Variants in XRRA1 observed in about 807,000 individuals in gnomAD.
XRRA1 encodes the protein X-ray radiation resistance associated 1, also known as X-ray radiation resistance-associated protein 1.
XRRA1 carries 69 observed loss-of-function variants against 80.2 expected under a neutral mutation model. The ratio of observed to expected loss-of-function variants is 0.86; its 90% CI spans 0.71 to 1.05. The LOEUF (loss-of-function observed/expected upper bound fraction) is 1.05. Ranked by LOEUF, XRRA1 falls within the 50% of genes least tolerant of loss-of-function variation. The pLI is 0.00. For synonymous variants in XRRA1, 348 were observed against 389.9 expected (o/e 0.89, Z 1.27); for missense variants, 967 against 976.4 (o/e 0.99, Z 0.13).
intron 8 of XRRA1, among the ~76,000 whole-genome samples, chr11:74,913,934 G>GA (rs1937620026): frequency 6.6e-6 from 1 of 152,026 alleles, no homozygotes; most frequent in Non-Finnish European, 1.5e-5. Flanking sequence ...CTACTTGTAG[G>GA]AAAAAAATCA....
chr11:74,881,825 G>A (rs1395226706), intron 10 of XRRA1, among the ~76,000 whole-genome samples: 2 of 149,338 alleles, frequency 1.3e-5, no homozygotes, highest in South Asian at 4.3e-4. Context: ...TAAGAATGTT[G>A]AATATTGGCC....
At position 74,940,979 on chromosome 11, in the gene XRRA1, C is replaced by T. The variant is rs529033977; in HGVS notation, c.-4-97G>A. The T allele has an allele frequency of 2.4e-5, 19 of 782,310 alleles. 1 individual carries two copies. The highest frequency in any genetic ancestry group is 2.4e-4 in the South Asian group (15 of 63,028). 48.5% of individuals were successfully genotyped at this position (782,310 alleles called of 1,614,324 possible). A position where few individuals can be genotyped will look rare whatever the true frequency, so the allele number is the denominator to read the frequency against. On this transcript the variant is annotated intron_variant, in intron 2 of 18. Transcript: ENST00000684022. ...CAGCTCATGAGCCCACCAGGACCAC[C>T]ACACCCGCACACACCCTGCCTCCGA...
chr11:74,843,827 A>C, intron 18 of XRRA1, 27 bp downstream of exon 18: 3 of 1,583,250 alleles, frequency 1.9e-6, no homozygotes, highest in South Asian at 2.3e-5. Flanking sequence ...TGGATCTGGG[A>C]TCCTGGCAGC....
chr11:74,884,270 A>G (rs991358542), intron 10 of XRRA1, among the ~76,000 whole-genome samples: 3 of 152,218 alleles, frequency 2.0e-5, no homozygotes, highest in Admixed American at 1.3e-4. Context: ...CAGCTGTGTC[A>G]ATAGAAAAGG....
At chr11:74,898,594 G>T (rs183729461) in intron 10 of XRRA1, among the ~76,000 whole-genome samples, 1 of 151,712 alleles carries the variant, frequency 6.6e-6, no homozygotes, top group South Asian at 2.1e-4. Context: ...AACCAAAAAG[G>T]GGAAGGAATA....
intron 2 of XRRA1, among the ~76,000 whole-genome samples, chr11:74,942,864 A>G (rs942914344): frequency 2.0e-5 from 3 of 152,228 alleles, no homozygotes; most frequent in Admixed American, 1.3e-4. Flanking sequence ...GCTTCACTAC[A>G]TCTAGACTGA....
rs2038846283 is a variant in XRRA1 at position 74,848,329 on chromosome 11, T to C, written c.1514A>G (p.Lys505Arg). Residue 505 changes from lysine (K) to arginine (R), a missense_variant, in exon 15 of 19, where the codon AAA becomes AGA. By Grantham distance (26) the Lys-to-Arg change is conservative. Coordinates refer to ENST00000684022, the MANE Select transcript of XRRA1 (RefSeq NM_001378157.1). ...AELAEDLPTT[K>R]STSVESEMPT... ...CATCTCTGACTCCACAGAAGTGCTT[T>C]TGGTAGTGGGCAGATCTTCAGCCAG... 1.9e-6 allele frequency: 3 copies of C among 1,613,754 alleles called. No individual in the cohort carries two copies. Among genetic ancestry groups the C allele is most frequent in the African/African-American group, 1.3e-5 (1 of 74,920 alleles).
chr11:74,844,349 T>C (rs759640782), intron 16 of XRRA1, 66 bp from the exon 17 acceptor site: 24 of 1,192,438 alleles, frequency 2.0e-5, no homozygotes, highest in Non-Finnish European at 2.3e-5. Context: ...CCTCCCCTGA[T>C]TGCTTCATTC....
At chr11:74,847,329 G>A (rs1480285054) in intron 15 of XRRA1, among the ~76,000 whole-genome samples, 1 of 152,172 alleles carries the variant, frequency 6.6e-6, no homozygotes, top group Non-Finnish European at 1.5e-5. Flanking sequence ...CAAGACTAGA[G>A]GCAGGGAGAT....
chr11:74,851,903 G>T, intron 13 of XRRA1, 86 bp downstream of exon 13: 2 of 1,134,656 alleles, frequency 1.8e-6, no homozygotes. Flanking sequence ...AGATCCCAGG[G>T]CTTGGCATTG....
intron 8 of XRRA1, among the ~76,000 whole-genome samples, chr11:74,915,484 T>C (rs1257016199): frequency 2.0e-5 from 3 of 152,102 alleles, no homozygotes; most frequent in Non-Finnish European, 4.4e-5. Context: ...CCATAGCAAA[T>C]CTGGTTATGA....
intron 8 of XRRA1, among the ~76,000 whole-genome samples, chr11:74,911,690 A>C (rs1443703242): frequency 1.3e-5 from 2 of 152,170 alleles, no homozygotes; most frequent in Non-Finnish European, 2.9e-5. Flanking sequence ...CTACAGGCAC[A>C]CACCACCATT....
intron 10 of XRRA1, among the ~76,000 whole-genome samples, chr11:74,892,371 G>A (rs544942699): frequency 6.6e-6 from 1 of 152,136 alleles, no homozygotes; most frequent in Non-Finnish European, 1.5e-5. Context: ...GCTGAAACTG[G>A]ATCCCGTCCT....
At chr11:74,885,091 T>C (rs2048698795) in intron 10 of XRRA1, among the ~76,000 whole-genome samples, 2 of 151,984 alleles carry the variant, frequency 1.3e-5, no homozygotes, top group African/African-American at 4.8e-5. Context: ...CAGTGAGACC[T>C]TGTCTCTACA....
At chr11:74,907,359 A>G (rs779005989) in intron 8 of XRRA1, 86 bp from the exon 9 acceptor site, 51 of 1,548,646 alleles carry the variant, frequency 3.3e-5, no homozygotes, top group Non-Finnish European at 3.9e-5. Flanking sequence ...CAGGGAATCA[A>G]TTAGGAGGAC....
intron 10 of XRRA1, among the ~76,000 whole-genome samples, chr11:74,886,508 G>T (rs1248322163): frequency 6.6e-6 from 1 of 151,812 alleles, no homozygotes; most frequent in Non-Finnish European, 1.5e-5. Context: ...CTACGAGGAA[G>T]GTGAAAGAGC....
At chr11:74,930,774 T>C (rs752914458) in intron 5 of XRRA1, among the ~76,000 whole-genome samples, 9 of 152,222 alleles carry the variant, frequency 5.9e-5, no homozygotes, top group African/African-American at 1.4e-4. Flanking sequence ...AATTGGAGAC[T>C]ATCATTCCCA....
chr11:74,906,989 CAG>C, intron 9 of XRRA1, 154 bp downstream of exon 9: 1 of 982,528 alleles, frequency 1.0e-6, no homozygotes. Context: ...AGCCAAAGCT[CAG>C]AGGGGAGAAA....
intron 5 of XRRA1, among the ~76,000 whole-genome samples, chr11:74,931,272 C>T (rs1235118247): frequency 6.6e-6 from 1 of 151,808 alleles, no homozygotes. Context: ...TTACCTGTGT[C>T]GATATATGCT....
Sources: allele counts gnomAD v4.1 joint callset (sites outside exome capture counted in the v4.1 genomes callset), GRCh38; gene constraint gnomAD v4.1.1; transcripts MANE v1.5; gene names NCBI Gene and HGNC (gene_info 2026-07-23, HGNC 2026-07-21).